The following FSTL5 variants were observed in gnomAD, a reference collection of about 807,000 sequenced individuals.
FSTL5 encodes the protein follistatin like 5.
In FSTL5, 62 loss-of-function variants were observed where a neutral mutation model predicts 89.1. That is an observed-to-expected ratio of 0.70 (90% CI 0.57 to 0.86). The LOEUF (loss-of-function observed/expected upper bound fraction) is 0.86. Ranked by LOEUF, FSTL5 falls within the 40% of genes least tolerant of loss-of-function variation. The pLI, the probability that FSTL5 is intolerant of heterozygous loss-of-function variation, is 0.00. For missense variants in FSTL5, 1,057 were observed against 1,001.6 expected, an observed-to-expected ratio of 1.06 and a Z score of -0.75; for synonymous variants, 383 against 346.2, an observed-to-expected ratio of 1.11 and a Z score of -1.18.
At chr4:161,509,772 G>A (rs1051313982) in intron 11 of FSTL5, among the ~76,000 whole-genome samples, 16 of 152,076 alleles carry the variant, frequency 1.1e-4, no homozygotes. Context: ...TTAAGTACTG[G>A]GGCAAACGCA....
At chr4:161,521,779 G>A (rs1202366274) in intron 10 of FSTL5, among the ~76,000 whole-genome samples, 1 of 149,066 alleles carries the variant, frequency 6.7e-6, no homozygotes, top group African/African-American at 2.5e-5. Flanking sequence ...AACCCGGAAG[G>A]CGGAGGTTGC....
At chr4:161,792,554 A>G (rs1482756103) in intron 4 of FSTL5, among the ~76,000 whole-genome samples, 1 of 152,212 alleles carries the variant, frequency 6.6e-6, no homozygotes, top group East Asian at 1.9e-4. Flanking sequence ...CAATGGACCA[A>G]TCAGTGCACA....
At chr4:161,567,991 G>T (rs960145036) in intron 8 of FSTL5, among the ~76,000 whole-genome samples, 1 of 151,700 alleles carries the variant, frequency 6.6e-6, no homozygotes, top group African/African-American at 2.4e-5. Flanking sequence ...TCATGTGTTG[G>T]ATCTGCCTGA....
intron 3 of FSTL5, among the ~76,000 whole-genome samples, chr4:161,954,947 A>G (rs1444688036): frequency 6.6e-6 from 1 of 151,710 alleles, no homozygotes; most frequent in Non-Finnish European, 1.5e-5. Flanking sequence ...GTAATATACA[A>G]TAAAGTAATA....
intron 4 of FSTL5, among the ~76,000 whole-genome samples, chr4:161,878,042 A>C (rs1732506380): frequency 6.6e-6 from 1 of 151,970 alleles, no homozygotes; most frequent in African/African-American, 2.4e-5. Flanking sequence ...TGTGTGTCTT[A>C]AAGCACAAAT....
chr4:161,676,325 A>G (rs994749770), intron 6 of FSTL5, among the ~76,000 whole-genome samples: 2 of 152,258 alleles, frequency 1.3e-5, no homozygotes, highest in African/African-American at 4.8e-5. Flanking sequence ...ATGCAGTCAA[A>G]AAAAAGGATG....
chr4:161,601,341 A>G (rs1045979537), intron 7 of FSTL5, among the ~76,000 whole-genome samples: 2 of 151,272 alleles, frequency 1.3e-5, no homozygotes, highest in Non-Finnish European at 3.0e-5. Context: ...AAAAAAAAAA[A>G]AAAAAAAAAG....
At chr4:161,939,998 TC>T (rs1199513910) in intron 3 of FSTL5, among the ~76,000 whole-genome samples, 1 of 151,770 alleles carries the variant, frequency 6.6e-6, no homozygotes, top group Non-Finnish European at 1.5e-5. Context: ...ACCTTAGCAC[TC>T]CCCCTTTCCC....
intron 1 of FSTL5, among the ~76,000 whole-genome samples, chr4:162,126,612 T>C (rs1348394110): frequency 1.3e-5 from 2 of 151,902 alleles, no homozygotes; most frequent in African/African-American, 4.8e-5. Context: ...CCTCTCCATT[T>C]AACTTTTACT....
intron 2 of FSTL5, among the ~76,000 whole-genome samples, chr4:162,043,823 T>G (rs1250171967): frequency 1.3e-5 from 2 of 152,198 alleles, no homozygotes; most frequent in Non-Finnish European, 1.5e-5. Flanking sequence ...AAGAAACCAC[T>G]TTCTTTGCTC....
intron 8 of FSTL5, among the ~76,000 whole-genome samples, chr4:161,564,028 C>A (rs2126575029): frequency 6.6e-6 from 1 of 151,704 alleles, no homozygotes; most frequent in South Asian, 2.1e-4. Context: ...TAAAACTATG[C>A]CCCTCATCCA....
At position 162,149,997 on chromosome 4, in the gene FSTL5, T is replaced by A. The variant is rs117582556; in HGVS notation, c.-17+13618A>T. On this transcript the variant is annotated intron_variant, in intron 1 of 15. Transcript: ENST00000306100. The stretch of plus-strand genomic sequence containing the variant: ...TTATTTTTCCTCTAAATTAAGGAAA[T>A]TTTTAATTTGTGGTGCTTTTGGTTT... 9.5e-4 allele frequency among the ~76,000 whole-genome samples: 145 copies of A among 152,296 alleles called. 4 individuals are homozygous for A. The East Asian group carries it at 0.025, about 26-fold the overall frequency.
At chr4:161,593,453 A>C (rs1733899760) in intron 7 of FSTL5, among the ~76,000 whole-genome samples, 1 of 152,020 alleles carries the variant, frequency 6.6e-6, no homozygotes, top group Non-Finnish European at 1.5e-5. Flanking sequence ...ATTGAATCTG[A>C]CCTTGAAAAT....
At chr4:162,104,125 G>C (rs544742117) in intron 2 of FSTL5, among the ~76,000 whole-genome samples, 1 of 152,284 alleles carries the variant, frequency 6.6e-6, no homozygotes, top group South Asian at 2.1e-4. Context: ...CATCCCTCCG[G>C]ATCCAGCAAG....
At chr4:161,538,098 T>A in intron 10 of FSTL5, 68 bp downstream of exon 10, 1 of 1,522,240 alleles carries the variant, frequency 6.6e-7, no homozygotes. Flanking sequence ...CCTTTACTTT[T>A]TAAAAAAAGC....
chr4:161,818,833 G>T (rs970420917), intron 4 of FSTL5, among the ~76,000 whole-genome samples: 3 of 152,062 alleles, frequency 2.0e-5, no homozygotes, highest in Admixed American at 1.3e-4. Context: ...TGTATCTACA[G>T]ATAGGTGTCT....
intron 3 of FSTL5, among the ~76,000 whole-genome samples, chr4:161,933,237 C>T (rs1211017713): frequency 6.6e-6 from 1 of 152,010 alleles, no homozygotes; most frequent in African/African-American, 2.4e-5. Flanking sequence ...CTGATTATGC[C>T]TTTCAGACAG....
At chr4:161,708,951 C>A (rs562395132) in intron 6 of FSTL5, among the ~76,000 whole-genome samples, 1 of 152,042 alleles carries the variant, frequency 6.6e-6, no homozygotes, top group Admixed American at 6.6e-5. Context: ...TACTTTTCTG[C>A]TTTAGTGTTT....
At position 161,468,324 on chromosome 4, in the gene FSTL5, G is replaced by A. The variant is rs1733816758; in HGVS notation, c.1609-9005C>T. ...GTTTTCCTAATGGAGGGCAGCTATA[G>A]AAAGTGAGGCAATAAGGCTGATAAA... On this transcript the variant is annotated intron_variant, in intron 13 of 15. Coordinates refer to ENST00000306100, the MANE Select transcript of FSTL5 (RefSeq NM_020116.5). 2.0e-5 allele frequency among the ~76,000 whole-genome samples: 3 copies of A among 151,280 alleles called. No individual in the cohort carries two copies. The South Asian group carries it at 6.3e-4, about 32-fold the overall frequency.
Sources: allele counts gnomAD v4.1 joint callset (sites outside exome capture counted in the v4.1 genomes callset), GRCh38; gene constraint gnomAD v4.1.1; transcripts MANE v1.5; gene names NCBI Gene and HGNC (gene_info 2026-07-23, HGNC 2026-07-21).